The following TYW1 variants were observed in gnomAD, a reference collection of about 807,000 sequenced individuals.
The protein encoded by TYW1 is tRNA-yW synthesizing protein 1 homolog, also known as S-adenosyl-L-methionine-dependent tRNA 4-demethylwyosine synthase TYW1.
Under a neutral mutation model 96.2 loss-of-function variants are expected in TYW1, and 46 were observed. The observed-to-expected ratio is 0.48, with a 90% CI of 0.38 to 0.61. TYW1 has a LOEUF of 0.61. TYW1 is among the 20% of genes least tolerant of loss of function. The pLI is 0.00. For synonymous variants in TYW1, 274 were observed against 323.0 expected (o/e 0.85, Z 1.63); for missense variants, 684 against 909.6 (o/e 0.75, Z 3.19).
intron 13 of TYW1, among the ~76,000 whole-genome samples, chr7:67,167,119 C>T (rs1014856267): frequency 2.6e-5 from 4 of 152,124 alleles, no homozygotes; most frequent in South Asian, 4.1e-4. Context: ...AAGTAGCCAA[C>T]TTCAATGTAG....
intron 12 of TYW1, among the ~76,000 whole-genome samples, chr7:67,110,947 G>A (rs574940773): frequency 1.6e-3 from 241 of 152,280 alleles, no homozygotes; most frequent in Non-Finnish European, 2.9e-3. Flanking sequence ...CAAGATTGCA[G>A]TGAGCCATGA....
At chr7:67,185,136 G>A (rs528186742) in intron 14 of TYW1, among the ~76,000 whole-genome samples, 29 of 152,244 alleles carry the variant, frequency 1.9e-4, no homozygotes, top group Admixed American at 1.9e-3. Context: ...GGTTGGCAGC[G>A]GCACAGGATA....
At chr7:67,088,145 A>G (rs181670803) in intron 11 of TYW1, among the ~76,000 whole-genome samples, 12 of 152,194 alleles carry the variant, frequency 7.9e-5, no homozygotes, top group Non-Finnish European at 1.5e-4. Flanking sequence ...GATTACAGGC[A>G]TGAGCCACCG....
chr7:67,027,576 A>G (rs922802655), intron 7 of TYW1, among the ~76,000 whole-genome samples: 4 of 152,164 alleles, frequency 2.6e-5, no homozygotes, highest in East Asian at 1.9e-4. Context: ...AGGAGGAACT[A>G]TTTGCCTCTT....
chr7:67,027,280 G>T (rs1255485467), intron 7 of TYW1, among the ~76,000 whole-genome samples: 1 of 152,060 alleles, frequency 6.6e-6, no homozygotes, highest in African/African-American at 2.4e-5. Flanking sequence ...CGAGCTAAAT[G>T]CTGAATGTTG....
At chr7:67,171,167 C>T (rs2116260052) in intron 13 of TYW1, among the ~76,000 whole-genome samples, 1 of 151,926 alleles carries the variant, frequency 6.6e-6, no homozygotes, top group African/African-American at 2.4e-5. Context: ...TTAGGTTATC[C>T]ACTTTTTTTG....
At chr7:67,212,377 C>T (rs1042497618) in intron 15 of TYW1, among the ~76,000 whole-genome samples, 1 of 150,988 alleles carries the variant, frequency 6.6e-6, no homozygotes, top group Non-Finnish European at 1.5e-5. Context: ...GGATGTACCA[C>T]AGTTGGTTTA....
chr7:67,156,308 C>T (rs1032724371), intron 13 of TYW1, among the ~76,000 whole-genome samples: 10 of 152,194 alleles, frequency 6.6e-5, no homozygotes, highest in African/African-American at 2.4e-4. Context: ...CTGGGAGACA[C>T]GCAGGTGGTG....
intron 15 of TYW1, among the ~76,000 whole-genome samples, chr7:67,226,845 T>C (rs923046281): frequency 6.6e-6 from 1 of 152,072 alleles, no homozygotes; most frequent in Non-Finnish European, 1.5e-5. Context: ...CTTCCTCTAC[T>C]CCCACACAGT....
intron 15 of TYW1, among the ~76,000 whole-genome samples, chr7:67,224,264 A>T (rs958989810): frequency 6.6e-6 from 1 of 152,210 alleles, no homozygotes; most frequent in Non-Finnish European, 1.5e-5. Context: ...AGTAGCCGAG[A>T]TTACAGGTGT....
intron 12 of TYW1, among the ~76,000 whole-genome samples, chr7:67,105,411 G>A (rs1395509533): frequency 1.3e-5 from 2 of 152,216 alleles, no homozygotes; most frequent in African/African-American, 2.4e-5. Context: ...AAGCCCAGAG[G>A]TCTCAAGCCC....
At chr7:67,175,745 A>C (rs569335807) in intron 13 of TYW1, among the ~76,000 whole-genome samples, 1 of 152,368 alleles carries the variant, frequency 6.6e-6, no homozygotes, top group African/African-American at 2.4e-5. Context: ...TTTATGATTA[A>C]AATCTTGTAG....
At chr7:67,154,888 TAAAA>T (rs924875839) in intron 13 of TYW1, among the ~76,000 whole-genome samples, 1 of 152,110 alleles carries the variant, frequency 6.6e-6, no homozygotes, top group Non-Finnish European at 1.5e-5. Context: ...TTATCTTTTT[TAAAA>T]AAAATCCGAG....
intron 8 of TYW1, among the ~76,000 whole-genome samples, chr7:67,050,304 CA>C (rs1385530147): frequency 6.6e-6 from 1 of 152,050 alleles, no homozygotes. Flanking sequence ...GTTCACAGAT[CA>C]AAAGTGCTGT....
intron 13 of TYW1, among the ~76,000 whole-genome samples, chr7:67,134,764 G>A (rs978998457): frequency 4.2e-5 from 6 of 143,446 alleles, no homozygotes; most frequent in African/African-American, 1.6e-4. Flanking sequence ...GGAGACAAAT[G>A]TTCCATGCCC....
intron 3 of TYW1, among the ~76,000 whole-genome samples, chr7:67,009,070 T>C (rs1261716080): frequency 6.6e-6 from 1 of 152,214 alleles, no homozygotes; most frequent in East Asian, 1.9e-4. Context: ...AGTGCATTGG[T>C]GTGATCGTAG....
intron 7 of TYW1, among the ~76,000 whole-genome samples, chr7:67,038,642 A>G (rs1794912516): frequency 6.6e-6 from 1 of 151,346 alleles, no homozygotes; most frequent in Non-Finnish European, 1.5e-5. Flanking sequence ...GATGGCTCAC[A>G]CCTGTAATCC....
intron 12 of TYW1, among the ~76,000 whole-genome samples, chr7:67,113,417 T>G (rs17144733): frequency 6.6e-6 from 1 of 151,980 alleles, no homozygotes; most frequent in African/African-American, 2.4e-5. Flanking sequence ...CTTAGGACTT[T>G]GCAGTCAGAA....
At position 67,183,166 on chromosome 7, in the gene TYW1, G is replaced by A. The variant is rs1479881935; in HGVS notation, c.1739G>A (p.Trp580Ter). Reference sequence around the variant, plus strand: ...TACAGACTGACGCTCGTGAAAGCATGGAACGTGGACGAGCTCCAGGCCTAC... The same window carrying A: ...TACAGACTGACGCTCGTGAAAGCATAGAACGTGGACGAGCTCCAGGCCTAC... ...TVYRLTLVKA[W>*]NVDELQAYAQ... The change falls in exon 14 of 16, where the codon TGG (tryptophan) becomes TAG (stop). Residue 580 changes from tryptophan to a stop codon, truncating the protein, a stop_gained. Coordinates refer to ENST00000359626, the MANE Select transcript of TYW1 (RefSeq NM_018264.4). LOFTEE classifies it high-confidence loss of function. The A allele has an allele frequency of 6.2e-7, 1 of 1,612,484 alleles. No homozygotes were observed. The highest frequency in any genetic ancestry group is 8.5e-7 in the Non-Finnish European group (1 of 1,179,216).
Sources: gnomAD v4.1 joint callset for allele counts (sites outside exome capture counted in the v4.1 genomes callset) on GRCh38, gnomAD v4.1.1 for gene constraint, MANE v1.5 for transcripts, NCBI Gene and HGNC (gene_info 2026-07-23, HGNC 2026-07-21) for gene names.